Variants in UGT1A1 observed in about 807,000 individuals in gnomAD.
The protein encoded by UGT1A1 is UDP glucuronosyltransferase family 1 member A1.
Under a neutral mutation model 40.6 loss-of-function variants are expected in UGT1A1, and 33 were observed. The observed-to-expected ratio is 0.81, with a 90% CI of 0.62 to 1.09. UGT1A1 has a LOEUF of 1.09. Among genes scored for constraint, UGT1A1 ranks in the 50% least tolerant of loss-of-function variants. UGT1A1 has a pLI of 0.00. For synonymous variants in UGT1A1, 249 were observed against 265.0 expected (o/e 0.94, Z 0.59); for missense variants, 694 against 671.2 (o/e 1.03, Z -0.38).
intron 1 of UGT1A1, among the ~76,000 whole-genome samples, chr2:233,765,971 T>A (rs950382144): frequency 6.6e-6 from 1 of 152,072 alleles, no homozygotes; most frequent in African/African-American, 2.4e-5. Context: ...TAGAGGTGGA[T>A]GTTTACAGCT....
rs1365658904 is a variant in UGT1A1 at position 233,760,280 on chromosome 2, A to G, written c.-8A>G. On this transcript the variant is annotated 5_prime_UTR_variant, in exon 1 of 5. Transcript: ENST00000305208. ...AGAGGGCGAACCTCTGGCAGGAGCA[A>G]AGGCGCCATGGCTGTGGAGTCCCAG... The G allele has an allele frequency of 6.2e-7, 1 of 1,612,818 alleles. No individual in the cohort carries two copies. The highest frequency in any genetic ancestry group is 8.5e-7 in the Non-Finnish European group (1 of 1,179,942).
rs1226545500 is a variant in UGT1A1 at position 233,773,111 on chromosome 2, T to C, written c.*552T>C. On this transcript the variant is annotated 3_prime_UTR_variant, in exon 5 of 5. Transcript: ENST00000305208. ...GCACTGAGAACAGCATATGATTTCT[T>C]GCTTTGGGGAAAAAGAATGATGCTA... The C allele has an allele frequency of 6.4e-6, 1 of 155,166 alleles. No individual in the cohort carries two copies. Among genetic ancestry groups the C allele is most frequent in the Non-Finnish European group, 1.4e-5 (1 of 69,776 alleles). 9.6% of individuals were successfully genotyped at this position (155,166 alleles called of 1,614,324 possible).
chr2:233,767,305 G>GT (rs1444114295), intron 2 of UGT1A1, 140 bp downstream of exon 2: 37 of 1,518,952 alleles, frequency 2.4e-5, no homozygotes, highest in Admixed American at 1.8e-4. Flanking sequence ...TAATCCAAAG[G>GT]TTTTTTTTGT....
chr2:233,760,825 G>C lies in UGT1A1; in HGVS notation c.538G>C (p.Glu180Gln), dbSNP rs1657628450. The C allele has an allele frequency of 2.5e-6, 4 of 1,613,330 alleles. No homozygotes were observed. The Admixed American group carries it at 5.0e-5, about 20-fold the overall frequency. The change falls in exon 1 of 5, where the codon GAA becomes CAA. Residue 180 changes from glutamate to glutamine, a missense_variant. Physicochemically the swap from Glu to Gln is conservative, Grantham distance 29. Coordinates refer to ENST00000305208, the MANE Select transcript of UGT1A1 (RefSeq NM_000463.3). ...CTTGCATGCACTGCCATGCAGCCTG[G>C]AATTTGAGGCTACCCAGTGCCCCAA... ...FFLHALPCSLEFEATQCPNPF... is the reference protein window; with the variant it reads ...FFLHALPCSLQFEATQCPNPF...
Position 233,765,707 on chromosome 2 carries a change from ATAAT to A in UGT1A1, c.865-1322_865-1319del, listed in dbSNP as rs1196419117. Among the ~76,000 whole-genome samples, 12 of 144,042 alleles carry A rather than the reference ATAAT, an allele frequency of 8.3e-5. No individual in the cohort carries two copies. The East Asian group carries it at 2.3e-3, about 27-fold the overall frequency. 94.5% of individuals were successfully genotyped at this position (144,042 alleles called of 152,430 possible). Reference sequence around the variant, plus strand: ...GAACTTCAAGTAAATAATAATAATAATAATTAATAATAATAATAATAATAAATAA... The same window carrying A: ...GAACTTCAAGTAAATAATAATAATAATAATAATAATAATAATAATAAATAA... On this transcript the variant is annotated intron_variant, in intron 1 of 4. Transcript: ENST00000305208.
chr2:233,772,471 T>C lies in UGT1A1; in HGVS notation c.1514T>C (p.Ile505Thr), dbSNP rs1341191921. The C allele has an allele frequency of 1.2e-6, 2 of 1,614,022 alleles. No homozygotes were observed. The highest frequency in any genetic ancestry group is 1.7e-6 in the Non-Finnish European group (2 of 1,180,036). Residue 505 changes from isoleucine to threonine, a missense_variant, in exon 5 of 5, where the codon ATC (isoleucine) becomes ACC (threonine). Physicochemically the swap from Ile to Thr is moderately conservative, Grantham distance 89. Coordinates refer to ENST00000305208, the MANE Select transcript of UGT1A1 (RefSeq NM_000463.3). Reference sequence around the variant, plus strand: ...GCCGTCGTGCTGACAGTGGCCTTCATCACCTTTAAATGTTGTGCTTATGGC... The same window carrying C: ...GCCGTCGTGCTGACAGTGGCCTTCACCACCTTTAAATGTTGTGCTTATGGC... ...LLAVVLTVAF[I>T]TFKCCAYGYR...
At chr2:233,765,130 A>G (rs1448520577) in intron 1 of UGT1A1, among the ~76,000 whole-genome samples, 4 of 152,148 alleles carry the variant, frequency 2.6e-5, no homozygotes, top group Non-Finnish European at 4.4e-5. Context: ...AGGTTTTAGC[A>G]CTGAACATCA....
Position 233,760,987 on chromosome 2 carries a change from G to T in UGT1A1, c.700G>T (p.Ala234Ser). 6.2e-7 allele frequency: 1 copy of T among 1,614,140 alleles called. No individual in the cohort carries two copies. Residue 234 changes from alanine to serine, a missense_variant, in exon 1 of 5, where the codon GCC becomes TCC. Physicochemically the swap from Ala to Ser is moderately conservative, Grantham distance 99. Transcript: ENST00000305208. ...DVVYSPYATL[A>S]SEFLQREVTV... ...GGTTTATTCCCCGTATGCAACCCTT[G>T]CCTCAGAATTCCTTCAGAGAGAGGT...
rs1559415650 is a variant in UGT1A1, at chr2:233,768,355, A to G, written c.1220A>G (p.Lys407Arg). ...GACAATGCAAAGCGCATGGAGACTA[A>G]GGGAGCTGGAGTGACCCTGAATGTT... is the stretch of plus-strand genomic sequence containing the variant. The part of the protein sequence containing the change: ...QMDNAKRMET[K>R]GAGVTLNVLE... The change falls in exon 4 of 5, where the codon AAG becomes AGG. Residue 407 changes from lysine to arginine, a missense_variant. Coordinates refer to ENST00000305208, the MANE Select transcript of UGT1A1 (RefSeq NM_000463.3). The G allele has an allele frequency of 6.2e-7, 1 of 1,614,200 alleles. No individual in the cohort carries two copies. The highest frequency in any genetic ancestry group is 1.1e-5 in the South Asian group (1 of 91,084).
rs568508589 is a variant in UGT1A1, at chr2:233,772,293, C to T, written c.1336C>T (p.Leu446Phe). ...YKENIMRLSS[L>F]HKDRPVEPLD... Reference sequence around the variant, plus strand: ...GGAGAACATCATGCGCCTCTCCAGCCTTCACAAGGACCGCCCGGTGGAGCC... The same window carrying T: ...GGAGAACATCATGCGCCTCTCCAGCTTTCACAAGGACCGCCCGGTGGAGCC... The change falls in exon 5 of 5, where the codon CTT becomes TTT. Residue 446 changes from leucine (L) to phenylalanine (F), a missense_variant. Transcript: ENST00000305208. 1.2e-6 allele frequency: 2 copies of T among 1,614,258 alleles called. No homozygotes were observed. Among genetic ancestry groups the T allele is most frequent in the Non-Finnish European group, 1.7e-6 (2 of 1,180,050 alleles).
chr2:233,762,986 G>A (rs1271717565), intron 1 of UGT1A1, among the ~76,000 whole-genome samples: 1 of 152,018 alleles, frequency 6.6e-6, no homozygotes, highest in Non-Finnish European at 1.5e-5. Context: ...CTATTTTAGT[G>A]GAAATTGATT....
Position 233,760,923 on chromosome 2 carries a change from C to G in UGT1A1, c.636C>G (p.Asn212Lys). The change falls in exon 1 of 5, where the codon AAC (asparagine) becomes AAG (lysine). Residue 212 changes from asparagine (N) to lysine (K), a missense_variant. By Grantham distance (94) the Asn-to-Lys change is moderately conservative (BLOSUM62 0). Coordinates refer to ENST00000305208, the MANE Select transcript of UGT1A1 (RefSeq NM_000463.3). The part of the protein sequence containing the change: ...DHMTFLQRVK[N>K]MLIAFSQNFL... The stretch of plus-strand genomic sequence containing the variant: ...TGACCTTCCTGCAGCGGGTGAAGAA[C>G]ATGCTCATTGCCTTTTCACAGAACT... 6.2e-7 allele frequency: 1 copy of G among 1,614,214 alleles called. No individual in the cohort carries two copies. The highest frequency in any genetic ancestry group is 8.5e-7 in the Non-Finnish European group (1 of 1,180,030).
chr2:233,761,889 C>G (rs2125994271), intron 1 of UGT1A1, among the ~76,000 whole-genome samples: 1 of 152,322 alleles, frequency 6.6e-6, no homozygotes, highest in Middle Eastern at 3.4e-3. Context: ...TTCACTTATC[C>G]TGCAAAGATT....
chr2:233,767,294 T>C, intron 2 of UGT1A1, 129 bp downstream of exon 2: 2 of 1,552,282 alleles, frequency 1.3e-6, no homozygotes, highest in Non-Finnish European at 1.7e-6. Context: ...TTCCCAACTA[T>C]TAATCCAAAG....
rs1239644692 is a variant in UGT1A1 at position 233,769,886 on chromosome 2, C to T, written c.1304+1447C>T. On this transcript the variant is annotated intron_variant, in intron 4 of 4. Coordinates refer to ENST00000305208, the MANE Select transcript of UGT1A1 (RefSeq NM_000463.3). The surrounding 1 kb of genome is among the most constrained non-coding windows in gnomAD (Gnocchi z 4.4). ...AAAAAAAAAAAAAATGAAAAGTCCACATAACCTGAGCATCATGTGCCCAGA... is the reference window on the plus strand; with the variant it reads ...AAAAAAAAAAAAAATGAAAAGTCCATATAACCTGAGCATCATGTGCCCAGA... The T allele has an allele frequency of 5.3e-5, 21 of 399,374 alleles. No individual in the cohort carries two copies. The South Asian group carries it at 8.0e-4, about 15-fold the overall frequency. The allele number at this position is 399,374 out of a possible 1,614,324, so 24.7% of individuals were successfully genotyped here.
chr2:233,766,611 C>T (rs972496643), intron 1 of UGT1A1, among the ~76,000 whole-genome samples: 4 of 152,176 alleles, frequency 2.6e-5, no homozygotes, highest in African/African-American at 4.8e-5. Flanking sequence ...ACACCCTCTT[C>T]TACCCAGCAC....
At position 233,760,709 on chromosome 2, in the gene UGT1A1, C is replaced by A. The variant is rs774109568; in HGVS notation, c.422C>A (p.Ala141Glu). The A allele has an allele frequency of 6.2e-7, 1 of 1,614,204 alleles. No homozygotes were observed. The highest frequency in any genetic ancestry group is 1.3e-5 in the African/African-American group (1 of 75,048). Reference sequence around the variant, plus strand: ...AACAAGGAGCTCATGGCCTCCCTGGCAGAAAGCAGCTTTGATGTCATGCTG... The same window carrying A: ...AACAAGGAGCTCATGGCCTCCCTGGAAGAAAGCAGCTTTGATGTCATGCTG... ...LHNKELMASL[A>E]ESSFDVMLTD... Residue 141 changes from alanine (A) to glutamate (E), a missense_variant, in exon 1 of 5, where the codon GCA becomes GAA. By Grantham distance (107) the Ala-to-Glu change is moderately radical. Coordinates refer to ENST00000305208, the MANE Select transcript of UGT1A1 (RefSeq NM_000463.3).
chr2:233,771,578 C>T (rs531656313), intron 4 of UGT1A1: 100 of 152,372 alleles, frequency 6.6e-4, no homozygotes, highest in African/African-American at 2.3e-3. Flanking sequence ...TGGTTGTTTA[C>T]AACTTCAAAT....
chr2:233,764,538 TG>T (rs1304174428), intron 1 of UGT1A1, among the ~76,000 whole-genome samples: 1 of 152,146 alleles, frequency 6.6e-6, no homozygotes, highest in Non-Finnish European at 1.5e-5. Flanking sequence ...GATTGCTGAG[TG>T]GGCGTGTGGG....
Sources: gnomAD v4.1 joint callset for allele counts (sites outside exome capture counted in the v4.1 genomes callset) on GRCh38, gnomAD v4.1.1 for gene constraint, Gnocchi (gnomAD v3.1) non-coding constraint, MANE v1.5 for transcripts, NCBI Gene and HGNC (gene_info 2026-07-23, HGNC 2026-07-21) for gene names.